PRKCI: variants seen among roughly 807,000 people sequenced by gnomAD.
PRKCI encodes protein kinase C iota type.
In PRKCI, 43 loss-of-function variants were observed where a neutral mutation model predicts 84.0. That is an observed-to-expected ratio of 0.51 (90% CI 0.40 to 0.66). The LOEUF (loss-of-function observed/expected upper bound fraction) is 0.66. PRKCI is among the 30% of genes least tolerant of loss of function. PRKCI has a pLI of 0.00. For synonymous variants in PRKCI, 216 were observed against 234.4 expected, an observed-to-expected ratio of 0.92 and a Z score of 0.72; for missense variants, 459 against 745.6, an observed-to-expected ratio of 0.62 and a Z score of 4.48.
intron 14 of PRKCI, among the ~76,000 whole-genome samples, chr3:170,294,753 A>G (rs1267213755): frequency 6.6e-6 from 1 of 152,224 alleles, no homozygotes; most frequent in Non-Finnish European, 1.5e-5. Flanking sequence ...TAGGTAGTCA[A>G]AGAATAAGAC....
chr3:170,255,116 A>G (rs990977571), intron 2 of PRKCI, among the ~76,000 whole-genome samples: 5 of 141,594 alleles, frequency 3.5e-5, no homozygotes, highest in Non-Finnish European at 7.5e-5. Flanking sequence ...GCTGGAGTGC[A>G]ATGGCACGAT....
intron 2 of PRKCI, among the ~76,000 whole-genome samples, chr3:170,244,536 C>A (rs556039723): frequency 2.2e-4 from 34 of 152,142 alleles, no homozygotes; most frequent in African/African-American, 8.2e-4. Context: ...TTTATAATAT[C>A]CTTTATAATA....
At chr3:170,231,688 C>T (rs112162433) in intron 1 of PRKCI, among the ~76,000 whole-genome samples, 12,861 of 151,988 alleles carry the variant, frequency 0.085, 693 homozygotes, top group South Asian at 0.17. Flanking sequence ...TGGTCTCGAA[C>T]GCCTGACCTC....
intron 12 of PRKCI, among the ~76,000 whole-genome samples, chr3:170,289,255 AT>A (rs1734476668): frequency 6.6e-6 from 1 of 152,228 alleles, no homozygotes; most frequent in Non-Finnish European, 1.5e-5. Context: ...TAAAAACCAT[AT>A]TCATATTTCT....
At chr3:170,261,582 C>T (rs1733729527) in intron 3 of PRKCI, among the ~76,000 whole-genome samples, 1 of 151,968 alleles carries the variant, frequency 6.6e-6, no homozygotes. Flanking sequence ...CTCCTGTGTT[C>T]AAGTGATTCT....
At chr3:170,238,736 C>T (rs1178294538) in intron 2 of PRKCI, among the ~76,000 whole-genome samples, 5 of 151,936 alleles carry the variant, frequency 3.3e-5, no homozygotes, top group East Asian at 3.9e-4. Flanking sequence ...GGATTACAAG[C>T]GTGCAACACC....
At chr3:170,256,219 C>G (rs182359536) in intron 2 of PRKCI, among the ~76,000 whole-genome samples, 1 of 152,104 alleles carries the variant, frequency 6.6e-6, no homozygotes, top group African/African-American at 2.4e-5. Context: ...TGAAACTATT[C>G]CCTCCTCCTC....
chr3:170,255,248 C>T (rs113058596), intron 2 of PRKCI, among the ~76,000 whole-genome samples: 2,503 of 151,550 alleles, frequency 0.017, 82 homozygotes, highest in African/African-American at 0.057. Flanking sequence ...TTAGTGGAGA[C>T]GAGGTTTCTC....
chr3:170,229,614 C>A (rs140643145), intron 1 of PRKCI, among the ~76,000 whole-genome samples: 6 of 152,154 alleles, frequency 3.9e-5, no homozygotes, highest in Non-Finnish European at 7.3e-5. Flanking sequence ...TATGTTTAAT[C>A]TTTTTTCGGA....
intron 2 of PRKCI, among the ~76,000 whole-genome samples, chr3:170,247,129 A>G (rs1005622871): frequency 6.6e-6 from 1 of 151,882 alleles, no homozygotes; most frequent in African/African-American, 2.4e-5. Flanking sequence ...TGGTACAGTC[A>G]TGGCTCACTG....
intron 3 of PRKCI, among the ~76,000 whole-genome samples, chr3:170,261,024 A>G (rs1381571285): frequency 6.6e-6 from 1 of 151,332 alleles, no homozygotes; most frequent in Non-Finnish European, 1.5e-5. Context: ...TGGTGCAGTC[A>G]TAGCTCACTG....
At chr3:170,283,067 T>A (rs1233805192) in intron 11 of PRKCI, among the ~76,000 whole-genome samples, 1 of 150,380 alleles carries the variant, frequency 6.6e-6, no homozygotes, top group Non-Finnish European at 1.5e-5. Context: ...ATTGCGCCAC[T>A]GCACTCCAGC....
At chr3:170,246,033 C>T (rs1733275970) in intron 2 of PRKCI, among the ~76,000 whole-genome samples, 1 of 147,376 alleles carries the variant, frequency 6.8e-6, no homozygotes, top group Admixed American at 6.8e-5. Context: ...TGGCTCACTG[C>T]AGCCTACCTC....
At chr3:170,236,735 C>T (rs994609325) in intron 2 of PRKCI, among the ~76,000 whole-genome samples, 2 of 151,750 alleles carry the variant, frequency 1.3e-5, no homozygotes, top group Non-Finnish European at 2.9e-5. Flanking sequence ...GTAGCGTGCA[C>T]CTGTGGTCCC....
chr3:170,297,240 A>T, intron 15 of PRKCI, 64 bp from the exon 16 acceptor site: 2 of 1,340,866 alleles, frequency 1.5e-6, no homozygotes, highest in Non-Finnish European at 2.1e-6. Context: ...AACACAGATC[A>T]CAAAGATGAT....
chr3:170,224,168 T>G (rs1732572133), intron 1 of PRKCI, among the ~76,000 whole-genome samples: 1 of 150,274 alleles, frequency 6.7e-6, no homozygotes, highest in African/African-American at 2.4e-5. Flanking sequence ...CATGCGGTGT[T>G]TGGTTTTTTG....
chr3:170,291,500 C>T, intron 12 of PRKCI: 1 of 194,418 alleles, frequency 5.1e-6, no homozygotes, highest in Non-Finnish European at 1.1e-5. Flanking sequence ...AGATCGAGAC[C>T]AGCCTGGCCA....
chr3:170,222,817 T>C, intron 1 of PRKCI, 47 bp downstream of exon 1: 2 of 956,066 alleles, frequency 2.1e-6, no homozygotes, highest in East Asian at 5.7e-5. Context: ...ACAGGCCGGC[T>C]CCACTCGGCC....
chr3:170,234,007 C>A (rs1732876397), intron 1 of PRKCI, among the ~76,000 whole-genome samples: 1 of 150,468 alleles, frequency 6.6e-6, no homozygotes, highest in Non-Finnish European at 1.5e-5. Flanking sequence ...AGGTGTGAGC[C>A]ACCACACCCA....
Sources: allele counts gnomAD v4.1 joint callset (sites outside exome capture counted in the v4.1 genomes callset), GRCh38; gene constraint gnomAD v4.1.1; transcripts MANE v1.5; gene names NCBI Gene and HGNC (gene_info 2026-07-23, HGNC 2026-07-21).